The following GRID1 variants were observed in gnomAD, a reference collection of about 807,000 sequenced individuals.
The protein encoded by GRID1 is glutamate receptor ionotropic, delta-1.
Under a neutral mutation model 98.0 loss-of-function variants are expected in GRID1, and 28 were observed. The observed-to-expected ratio is 0.29, with a 90% CI of 0.21 to 0.39. GRID1 has a LOEUF of 0.39. Ranked by LOEUF, GRID1 falls within the 10% of genes least tolerant of loss-of-function variation. GRID1 has a pLI of 1.00. For missense variants in GRID1, 1,111 were observed against 1,340.5 expected (o/e 0.83, Z 2.67); for synonymous variants, 553 against 538.5 (o/e 1.03, Z -0.37).
chr10:86,143,262 G>T (rs535192944), intron 3 of GRID1, among the ~76,000 whole-genome samples: 1 of 152,184 alleles, frequency 6.6e-6, no homozygotes, highest in African/African-American at 2.4e-5. Context: ...GAGTAACAGT[G>T]AGGAGCCCAA....
rs61329952 is a variant in GRID1, at chr10:85,858,643, C to A, written c.952-2453G>T. On this transcript the variant is annotated intron_variant, in intron 6 of 15. Coordinates refer to ENST00000327946, the MANE Select transcript of GRID1 (RefSeq NM_017551.3). ...GAATTGGTTTGTTGTTTTTTTCTTT[C>A]TTTTCCCAAGAGAATAACTTGAAGC... Among the ~76,000 whole-genome samples, 347 of 152,150 alleles carry A rather than the reference C, an allele frequency of 2.3e-3. 1 individual carries two copies. The highest frequency in any genetic ancestry group is 7.6e-3 in the African/African-American group (316 of 41,506).
chr10:86,143,479 C>G (rs187315850), intron 3 of GRID1, among the ~76,000 whole-genome samples: 1 of 152,198 alleles, frequency 6.6e-6, no homozygotes, highest in African/African-American at 2.4e-5. Flanking sequence ...GGACTTCCCC[C>G]ACTGGGCCAC....
intron 2 of GRID1, among the ~76,000 whole-genome samples, chr10:86,298,664 C>A (rs1179484567): frequency 1.3e-5 from 2 of 152,144 alleles, no homozygotes; most frequent in African/African-American, 4.8e-5. Context: ...TAAACATGCC[C>A]CCGAGGCTTC....
intron 8 of GRID1, among the ~76,000 whole-genome samples, chr10:85,832,540 T>G (rs941635648): frequency 6.6e-6 from 1 of 152,166 alleles, no homozygotes; most frequent in Non-Finnish European, 1.5e-5. Flanking sequence ...TGAGAGTTTC[T>G]GAAGAAGATG....
intron 4 of GRID1, among the ~76,000 whole-genome samples, chr10:86,104,209 C>G (rs1844344760): frequency 6.6e-6 from 1 of 152,154 alleles, no homozygotes; most frequent in Admixed American, 6.5e-5. Context: ...GTAGAAGGGG[C>G]TAGTTCCTCT....
intron 12 of GRID1, among the ~76,000 whole-genome samples, chr10:85,704,211 A>G (rs1841487551): frequency 1.3e-5 from 2 of 152,180 alleles, no homozygotes; most frequent in Admixed American, 1.3e-4. Flanking sequence ...AGTGTGCTGT[A>G]TTCAGGAAAC....
chr10:85,979,164 C>A (rs1842511439), intron 4 of GRID1, among the ~76,000 whole-genome samples: 1 of 152,130 alleles, frequency 6.6e-6, no homozygotes, highest in Admixed American at 6.5e-5. Context: ...CAGAGGAAAG[C>A]CCTGCGTGAA....
At position 85,665,108 on chromosome 10, in the gene GRID1, T is replaced by C. The variant is rs527543453; in HGVS notation, c.1998-17711A>G. 3.9e-5 allele frequency among the ~76,000 whole-genome samples: 6 copies of C among 152,290 alleles called. No individual in the cohort carries two copies. The South Asian group carries it at 1.2e-3, about 32-fold the overall frequency. On this transcript the variant is annotated intron_variant, in intron 12 of 15. Transcript: ENST00000327946. Reference sequence around the variant, plus strand: ...GTGCTACTGTTGTTGTTAAGGTAATTTCCCTTACAGGGTTGGGGAACCAGG... The same window carrying C: ...GTGCTACTGTTGTTGTTAAGGTAATCTCCCTTACAGGGTTGGGGAACCAGG...
At chr10:85,838,223 C>T (rs1298114768) in intron 8 of GRID1, among the ~76,000 whole-genome samples, 2 of 152,140 alleles carry the variant, frequency 1.3e-5, no homozygotes, top group African/African-American at 2.4e-5. Context: ...ATGGAACCAA[C>T]TTGGTAAATA....
intron 10 of GRID1, among the ~76,000 whole-genome samples, chr10:85,725,040 G>A (rs1383794882): frequency 2.0e-5 from 3 of 151,734 alleles, no homozygotes; most frequent in African/African-American, 7.3e-5. Flanking sequence ...CCTCCACCAA[G>A]AAGGCCCTTC....
intron 13 of GRID1, among the ~76,000 whole-genome samples, chr10:85,637,297 T>C (rs1378850951): frequency 6.6e-6 from 1 of 152,248 alleles, no homozygotes; most frequent in Non-Finnish European, 1.5e-5. Flanking sequence ...TGCATGTAAA[T>C]CATAAATGTA....
At chr10:85,821,297 C>T (rs926812922) in intron 8 of GRID1, among the ~76,000 whole-genome samples, 1 of 151,766 alleles carries the variant, frequency 6.6e-6, no homozygotes, top group African/African-American at 2.4e-5. Context: ...ATGGGCAGAT[C>T]ATTTGAGGTC....
At chr10:86,249,553 C>G (rs1029492906) in intron 2 of GRID1, among the ~76,000 whole-genome samples, 32 of 152,328 alleles carry the variant, frequency 2.1e-4, no homozygotes, top group African/African-American at 7.5e-4. Context: ...TCCTCTCCTA[C>G]CACACTCCAC....
At chr10:86,029,692 T>C (rs538733086) in intron 4 of GRID1, among the ~76,000 whole-genome samples, 2 of 152,128 alleles carry the variant, frequency 1.3e-5, no homozygotes, top group Admixed American at 1.3e-4. Context: ...CTTATTCTTG[T>C]GAATCTAGTG....
intron 3 of GRID1, among the ~76,000 whole-genome samples, chr10:86,167,562 C>T (rs1286366450): frequency 6.6e-6 from 1 of 152,192 alleles, no homozygotes; most frequent in Non-Finnish European, 1.5e-5. Context: ...GGCTTTCCAG[C>T]AGCAGCCTCA....
chr10:86,307,606 T>A (rs1434157448), intron 2 of GRID1, among the ~76,000 whole-genome samples: 4 of 152,212 alleles, frequency 2.6e-5, no homozygotes, highest in Admixed American at 1.3e-4. Flanking sequence ...GTTCTAAAGA[T>A]CTAATGCACA....
intron 2 of GRID1, among the ~76,000 whole-genome samples, chr10:86,359,566 T>C (rs1290615994): frequency 1.3e-5 from 2 of 152,266 alleles, no homozygotes; most frequent in Non-Finnish European, 2.9e-5. Context: ...CTTTTGTGCT[T>C]ATGATAACTA....
intron 5 of GRID1, among the ~76,000 whole-genome samples, chr10:85,907,050 C>G (rs1841471189): frequency 6.6e-6 from 1 of 152,074 alleles, no homozygotes; most frequent in African/African-American, 2.4e-5. Flanking sequence ...TCTACAGATT[C>G]AACAAATATT....
In GRID1 at chr10:86,354,183, G is replaced by C. The variant is rs527903090; in HGVS notation, c.235+9758C>G. Among the ~76,000 whole-genome samples the C allele has an allele frequency of 2.5e-3, 380 of 152,300 alleles. 9 individuals are homozygous for C. Among genetic ancestry groups the C allele is most frequent in the Middle Eastern group, 0.017 (5 of 292 alleles). On this transcript the variant is annotated intron_variant, in intron 2 of 15. Coordinates refer to ENST00000327946, the MANE Select transcript of GRID1 (RefSeq NM_017551.3). ...GCAAGAAGACAGCCTTCCAGGCCAG[G>C]CCAGGACCCAGTTTATAGGGGCACA...
Sources: allele counts gnomAD v4.1 joint callset (sites outside exome capture counted in the v4.1 genomes callset), GRCh38; gene constraint gnomAD v4.1.1; transcripts MANE v1.5; gene names NCBI Gene and HGNC (gene_info 2026-07-23, HGNC 2026-07-21).